KLHL20: variants seen among roughly 807,000 people sequenced by gnomAD.
KLHL20 encodes the protein kelch-like protein 20.
A neutral mutation model predicts 69.5 loss-of-function variants in KLHL20; 29 were observed. The observed-to-expected ratio is 0.42, with a 90% confidence interval of 0.31 to 0.57. The LOEUF is 0.57. Ranked by LOEUF, KLHL20 falls within the 20% of genes least tolerant of loss-of-function variation. The pLI, the probability that KLHL20 is intolerant of heterozygous loss-of-function variation, is 0.18. For synonymous variants in KLHL20, 253 were observed against 265.2 expected (o/e 0.95, Z 0.45); for missense variants, 419 against 776.0 (o/e 0.54, Z 5.47).
intron 4 of KLHL20, 62 bp from the exon 5 acceptor site, chr1:173,753,151 C>A (rs755353304): frequency 4.2e-5 from 56 of 1,343,582 alleles, no homozygotes; most frequent in Non-Finnish European, 5.9e-5. Flanking sequence ...CCAGCCTAGG[C>A]AACAGAGTAA....
chr1:173,775,563 G>A, intron 9 of KLHL20, 71 bp from the exon 10 acceptor site: 2 of 1,264,142 alleles, frequency 1.6e-6, no homozygotes, highest in Non-Finnish European at 2.3e-6. Context: ...AAGTATCAGT[G>A]GCTATAAAGA....
intron 3 of KLHL20, 60 bp downstream of exon 3, chr1:173,734,346 T>G: frequency 7.3e-7 from 1 of 1,377,398 alleles, no homozygotes; most frequent in Non-Finnish European, 1.0e-6. Flanking sequence ...GGGTTCACAT[T>G]CTGCTAAATA....
At chr1:173,765,382 A>G (rs1167712604) in intron 7 of KLHL20, among the ~76,000 whole-genome samples, 2 of 152,142 alleles carry the variant, frequency 1.3e-5, no homozygotes, top group African/African-American at 4.8e-5. Context: ...GGGCGCCTGT[A>G]GTCCCAGCTA....
intron 4 of KLHL20, 151 bp downstream of exon 4, chr1:173,752,073 TA>T: frequency 1.5e-6 from 1 of 660,560 alleles, no homozygotes; most frequent in Non-Finnish European, 2.4e-6. Flanking sequence ...CTGTCTCTAC[TA>T]AAAATACAAA....
chr1:173,769,780 CAAAAAAA>C (rs5779440), intron 8 of KLHL20, among the ~76,000 whole-genome samples: 1 of 87,014 alleles, frequency 1.1e-5, no homozygotes, highest in Non-Finnish European at 2.5e-5. Context: ...GACCCTGTCT[CAAAAAAA>C]AAAAAAAAAA....
At chr1:173,764,083 T>C (rs1647515847) in intron 7 of KLHL20, among the ~76,000 whole-genome samples, 1 of 152,156 alleles carries the variant, frequency 6.6e-6, no homozygotes, top group South Asian at 2.1e-4. Flanking sequence ...TAAACAATTC[T>C]CAAAAGAAGA....
chr1:173,779,459 T>C (rs985673757), intron 10 of KLHL20, among the ~76,000 whole-genome samples: 3 of 151,490 alleles, frequency 2.0e-5, no homozygotes, highest in Non-Finnish European at 4.4e-5. Context: ...CAAGCAATTC[T>C]CCTGCTTCAG....
In KLHL20 at chr1:173,751,764, G is replaced by C; in HGVS notation, c.598G>C (p.Val200Leu). 6.2e-7 allele frequency: 1 copy of C among 1,613,802 alleles called. No homozygotes were observed. The highest frequency in any genetic ancestry group is 8.5e-7 in the Non-Finnish European group (1 of 1,179,878). Residue 200 changes from valine to leucine, a missense_variant and splice_region_variant, in exon 4 of 12, where the codon GTA (valine) becomes CTA (leucine). By Grantham distance (32) the Val-to-Leu change is conservative. Around this residue, in one of 6 missense-constraint regions of KLHL20, gnomAD observed 99 missense variants for 240.7 expected, o/e 0.41. Coordinates refer to ENST00000209884, the MANE Select transcript of KLHL20 (RefSeq NM_014458.4). ...TTTCTTCTTACCTAACTTTGAACAGGTAATGGAGAGTGAAGAGTTCATGTT... is the reference window on the plus strand; with the variant it reads ...TTTCTTCTTACCTAACTTTGAACAGCTAATGGAGAGTGAAGAGTTCATGTT... ...DKFTQHNFQE[V>L]MESEEFMLLP...
At chr1:173,757,990 T>G (rs1468103674) in intron 7 of KLHL20, among the ~76,000 whole-genome samples, 1 of 152,218 alleles carries the variant, frequency 6.6e-6, no homozygotes, top group Non-Finnish European at 1.5e-5. Flanking sequence ...TATGAAACGC[T>G]GCCGCATATC....
intron 3 of KLHL20, among the ~76,000 whole-genome samples, chr1:173,735,107 G>C (rs1672463318): frequency 6.6e-6 from 1 of 152,172 alleles, no homozygotes; most frequent in Non-Finnish European, 1.5e-5. Context: ...TGATTACACA[G>C]AAAGAAGAGG....
At chr1:173,760,433 T>C (rs1260240337) in intron 7 of KLHL20, among the ~76,000 whole-genome samples, 1 of 151,898 alleles carries the variant, frequency 6.6e-6, no homozygotes, top group African/African-American at 2.4e-5. Context: ...TTATCCAAAC[T>C]CAAGATGAAG....
chr1:173,778,796 C>T (rs771407709), intron 10 of KLHL20, among the ~76,000 whole-genome samples: 5 of 152,084 alleles, frequency 3.3e-5, no homozygotes, highest in East Asian at 3.8e-4. Flanking sequence ...TGAATGTCTA[C>T]GGTATCAGTT....
intron 10 of KLHL20, among the ~76,000 whole-genome samples, chr1:173,777,436 TC>T (rs1261984931): frequency 6.6e-6 from 1 of 152,228 alleles, no homozygotes; most frequent in Non-Finnish European, 1.5e-5. Flanking sequence ...ACCTAGGACT[TC>T]CAGTACTATA....
At chr1:173,736,951 T>C (rs1007545309) in intron 3 of KLHL20, among the ~76,000 whole-genome samples, 4 of 152,202 alleles carry the variant, frequency 2.6e-5, no homozygotes, top group African/African-American at 9.6e-5. Context: ...TGGTATCACA[T>C]TGTGGTTTTG....
At chr1:173,772,900 C>G (rs890944319) in intron 8 of KLHL20, among the ~76,000 whole-genome samples, 3 of 152,166 alleles carry the variant, frequency 2.0e-5, no homozygotes, top group Non-Finnish European at 4.4e-5. Context: ...GTCATACACT[C>G]TGGGTTCTAA....
chr1:173,774,464 G>A lies in KLHL20; in HGVS notation c.1429+26G>A, dbSNP rs759743762. On this transcript the variant is annotated intron_variant, in intron 9 of 11. Coordinates refer to ENST00000209884, the MANE Select transcript of KLHL20 (RefSeq NM_014458.4). ...GTTAGTCCCTCCCAAAGGCAATCAG[G>A]TTCCCCAAAAGCAGAACATTTTCCT... The A allele has an allele frequency of 6.7e-5, 108 of 1,613,008 alleles. 1 individual carries two copies. In the East Asian group the frequency reaches 2.4e-3, roughly 35 times the overall value.
At chr1:173,728,350 C>T (rs536130792) in intron 2 of KLHL20, among the ~76,000 whole-genome samples, 1 of 152,278 alleles carries the variant, frequency 6.6e-6, no homozygotes, top group South Asian at 2.1e-4. Flanking sequence ...AGAAAGTTAA[C>T]AAGGATATCC....
At chr1:173,749,275 T>C (rs1156244825) in intron 3 of KLHL20, among the ~76,000 whole-genome samples, 1 of 152,214 alleles carries the variant, frequency 6.6e-6, no homozygotes, top group Non-Finnish European at 1.5e-5. Flanking sequence ...CACCATATAC[T>C]TGTTAGAACA....
At position 173,775,859 on chromosome 1, in the gene KLHL20, A is replaced by G. The variant is rs1200888867; in HGVS notation, c.1638+17A>G. 2 of 1,611,026 alleles carry G rather than the reference A, an allele frequency of 1.2e-6. No homozygotes were observed. Among genetic ancestry groups the G allele is most frequent in the East Asian group, 4.5e-5 (2 of 44,854 alleles). On this transcript the variant is annotated intron_variant, in intron 10 of 11. Transcript: ENST00000209884. ...CGTAGTGGAGTAAGTGGTTATGGAC[A>G]CTTAGGTTGCTTCCAAATCTTGGCT...
Sources: allele counts gnomAD v4.1 joint callset (sites outside exome capture counted in the v4.1 genomes callset), GRCh38; gene constraint gnomAD v4.1.1; regional missense constraint gnomAD v4.1.1; transcripts MANE v1.5; gene names NCBI Gene and HGNC (gene_info 2026-07-23, HGNC 2026-07-21).